The following THSD7B variants were observed in gnomAD, a reference collection of about 807,000 sequenced individuals.
THSD7B encodes the protein thrombospondin type-1 domain-containing protein 7B.
A neutral mutation model predicts 213.6 loss-of-function variants in THSD7B; 138 were observed. That is an observed-to-expected ratio of 0.65 (90% CI 0.56 to 0.74). The LOEUF is 0.74. THSD7B is among the 30% of genes least tolerant of loss of function. The pLI is 0.00. For missense variants in THSD7B, 1,931 were observed against 1,991.5 expected, an observed-to-expected ratio of 0.97 and a Z score of 0.58; for synonymous variants, 742 against 687.0, an observed-to-expected ratio of 1.08 and a Z score of -1.25.
intron 1 of THSD7B, among the ~76,000 whole-genome samples, chr2:136,810,669 A>G (rs945173787): frequency 5.3e-5 from 8 of 152,200 alleles, no homozygotes; most frequent in Admixed American, 2.0e-4. Flanking sequence ...GGCTCTGCAC[A>G]TGAAAGTTCA....
Position 137,614,384 on chromosome 2 carries a change from T to A in THSD7B, c.3424-1791T>A, listed in dbSNP as rs375295734. Among the ~76,000 whole-genome samples, 4 of 152,278 alleles carry A rather than the reference T, an allele frequency of 2.6e-5. No homozygotes were observed. In the East Asian group the frequency reaches 5.8e-4, roughly 22 times the overall value. ...TAGTAATTTGATTGATGTGTGTATG[T>A]TTTATTTTCTCTTTTACTTGATAGC... On this transcript the variant is annotated intron_variant, in intron 17 of 27. Transcript: ENST00000409968.
chr2:137,221,563 GT>G (rs1681372676), intron 7 of THSD7B, among the ~76,000 whole-genome samples: 2 of 152,158 alleles, frequency 1.3e-5, no homozygotes, highest in South Asian at 4.1e-4. Context: ...CCTTAATGAA[GT>G]TTATGTTTTT....
intron 2 of THSD7B, among the ~76,000 whole-genome samples, chr2:136,922,838 C>G (rs1469197355): frequency 1.3e-5 from 2 of 152,120 alleles, no homozygotes; most frequent in African/African-American, 4.8e-5. Flanking sequence ...TGTCAGAGTC[C>G]ACTGATGTCT....
At chr2:137,403,163 C>T (rs912221889) in intron 12 of THSD7B, among the ~76,000 whole-genome samples, 19 of 152,266 alleles carry the variant, frequency 1.2e-4, no homozygotes, top group African/African-American at 4.6e-4. Context: ...TGAATAGCTC[C>T]ACCTGCCACA....
intron 2 of THSD7B, among the ~76,000 whole-genome samples, chr2:136,890,923 A>G (rs895000311): frequency 1.1e-4 from 16 of 151,896 alleles, no homozygotes; most frequent in Admixed American, 5.9e-4. Flanking sequence ...CCTTAGACAA[A>G]GGTTTGACCT....
intron 1 of THSD7B, among the ~76,000 whole-genome samples, chr2:136,793,073 A>G (rs1467378199): frequency 1.3e-5 from 2 of 152,048 alleles, no homozygotes; most frequent in African/African-American, 2.4e-5. Flanking sequence ...CTGTGTGGGC[A>G]TATATTTTCT....
chr2:137,623,404 T>G (rs13423408), intron 20 of THSD7B, among the ~76,000 whole-genome samples: 1,921 of 152,288 alleles, frequency 0.013, 21 homozygotes, highest in Non-Finnish European at 0.018. Context: ...AAGCATTCCC[T>G]TTGAAAACTG....
chr2:137,417,105 A>G (rs1170644578), intron 14 of THSD7B, among the ~76,000 whole-genome samples: 1 of 152,224 alleles, frequency 6.6e-6, no homozygotes, highest in East Asian at 1.9e-4. Context: ...TTACTGTAAT[A>G]TATAAGTAGG....
At chr2:136,821,006 G>A (rs966885725) in intron 1 of THSD7B, among the ~76,000 whole-genome samples, 5 of 152,186 alleles carry the variant, frequency 3.3e-5, no homozygotes, top group East Asian at 1.9e-4. Flanking sequence ...ACAGATAATT[G>A]CAAGAATAAT....
intron 20 of THSD7B, among the ~76,000 whole-genome samples, chr2:137,634,671 G>T (rs1291099212): frequency 2.6e-5 from 4 of 152,184 alleles, no homozygotes; most frequent in Non-Finnish European, 5.9e-5. Context: ...GGGCATGGTG[G>T]CTGGCTACTT....
At chr2:137,402,863 G>C (rs998249286) in intron 12 of THSD7B, among the ~76,000 whole-genome samples, 1 of 148,152 alleles carries the variant, frequency 6.7e-6, no homozygotes, top group African/African-American at 2.5e-5. Context: ...CAATGCTTTT[G>C]AAAGTATTTA....
At chr2:137,560,493 A>C (rs1035557479) in intron 15 of THSD7B, among the ~76,000 whole-genome samples, 1 of 152,116 alleles carries the variant, frequency 6.6e-6, no homozygotes, top group Non-Finnish European at 1.5e-5. Context: ...GTTCTCACTC[A>C]TAGGTGGGAA....
intron 12 of THSD7B, among the ~76,000 whole-genome samples, chr2:137,363,303 AC>A (rs1299976517): frequency 6.6e-6 from 1 of 152,208 alleles, no homozygotes; most frequent in African/African-American, 2.4e-5. Flanking sequence ...TAAAATCGAC[AC>A]CCTAACATCA....
At chr2:136,861,539 C>T (rs911316174) in intron 1 of THSD7B, among the ~76,000 whole-genome samples, 6 of 152,160 alleles carry the variant, frequency 3.9e-5, no homozygotes, top group African/African-American at 1.4e-4. Context: ...TATGCCAGGA[C>T]TGGGTGAAGA....
intron 17 of THSD7B, among the ~76,000 whole-genome samples, chr2:137,582,426 G>A (rs1269224605): frequency 1.3e-5 from 2 of 151,990 alleles, no homozygotes; most frequent in African/African-American, 4.8e-5. Flanking sequence ...TGCCGTGTTG[G>A]TGTGCTGCAC....
At chr2:136,904,079 G>A (rs906383449) in intron 2 of THSD7B, among the ~76,000 whole-genome samples, 1 of 152,144 alleles carries the variant, frequency 6.6e-6, no homozygotes, top group Admixed American at 6.5e-5. Flanking sequence ...CAAGGAGGAG[G>A]GAAGAATAAG....
intron 15 of THSD7B, among the ~76,000 whole-genome samples, chr2:137,497,944 T>G (rs1238668334): frequency 6.6e-6 from 1 of 152,182 alleles, no homozygotes; most frequent in Non-Finnish European, 1.5e-5. Context: ...AAGTGTAACC[T>G]TCCTGCCGAG....
intron 2 of THSD7B, among the ~76,000 whole-genome samples, chr2:136,897,578 G>A (rs994197782): frequency 3.3e-5 from 5 of 152,172 alleles, no homozygotes; most frequent in Admixed American, 6.5e-5. Context: ...TGTGAAGAGC[G>A]AAAGAACAAA....
intron 3 of THSD7B, among the ~76,000 whole-genome samples, chr2:137,077,334 T>C (rs941479870): frequency 2.0e-5 from 3 of 152,226 alleles, no homozygotes; most frequent in African/African-American, 7.2e-5. Flanking sequence ...CCTTTGGATA[T>C]ATACCCAGTA....
Sources: gnomAD v4.1 joint callset for allele counts (sites outside exome capture counted in the v4.1 genomes callset) on GRCh38, gnomAD v4.1.1 for gene constraint, MANE v1.5 for transcripts, NCBI Gene and HGNC (gene_info 2026-07-23, HGNC 2026-07-21) for gene names.